Variants in MIDEAS observed in about 807,000 individuals in gnomAD.
The protein encoded by MIDEAS is mitotic deacetylase associated SANT domain protein.
In MIDEAS, 26 loss-of-function variants were observed where a neutral mutation model predicts 102.7. The ratio of observed to expected loss-of-function variants is 0.25; its 90% confidence interval spans 0.19 to 0.35. The LOEUF (loss-of-function observed/expected upper bound fraction) is 0.35, where lower values mean the gene tolerates loss of function less well. Among genes scored for constraint, MIDEAS ranks in the 10% least tolerant of loss-of-function variants. The pLI, the probability that MIDEAS is intolerant of heterozygous loss-of-function variation, is 1.00. For missense variants in MIDEAS, 1,231 were observed against 1,435.6 expected (o/e 0.86, Z 2.30); for synonymous variants, 585 against 591.0 (o/e 0.99, Z 0.15).
At chr14:73,726,545 C>T in intron 7 of MIDEAS, 59 bp downstream of exon 7, 1 of 1,525,846 alleles carries the variant, frequency 6.6e-7, no homozygotes, top group South Asian at 1.1e-5. Context: ...GAGCAGCAGA[C>T]ATGGATCCAA....
At chr14:73,763,303 A>G (rs1386999308), upstream of MIDEAS, among the ~76,000 whole-genome samples, 1 of 152,164 alleles carries the variant, frequency 6.6e-6, no homozygotes, top group Non-Finnish European at 1.5e-5. Flanking sequence ...ACGCCACTGC[A>G]CTCCATCCTG....
At position 73,715,261 on chromosome 14, in the gene MIDEAS, AAAAAT is replaced by A. The variant is rs1440075400; in HGVS notation, c.*3577_*3581del. Reference sequence around the variant, plus strand: ...ATTTTTTTCTTATAAAAAGCACACAAAAAATAAAATCTTCAGTCTCTATCACAACT... The same window carrying A: ...ATTTTTTTCTTATAAAAAGCACACAAAAAATCTTCAGTCTCTATCACAACT... On this transcript the variant is annotated 3_prime_UTR_variant, in exon 13 of 13. Transcript: ENST00000423556. The A allele has an allele frequency of 2.0e-5, 3 of 152,676 alleles. No individual in the cohort carries two copies. Among genetic ancestry groups the A allele is most frequent in the African/African-American group, 7.2e-5 (3 of 41,466 alleles). The allele number at this position is 152,676 out of a possible 1,614,324, so 9.5% of individuals were successfully genotyped here.
chr14:73,759,286 T>G lies in MIDEAS; in HGVS notation c.-248+477A>C, dbSNP rs965099084. ...CCCGCGCCAAGTTCCCTCAGCTGGC[T>G]AGCCCCTCGCCGCGCCTTCCGGGCC... On this transcript the variant is annotated intron_variant, in intron 1 of 12. Transcript: ENST00000423556. The surrounding 1 kb of genome is among the most constrained non-coding windows in gnomAD (Gnocchi z 6.7). Among the ~76,000 whole-genome samples, 1 of 152,102 alleles carries G rather than the reference T, an allele frequency of 6.6e-6. No individual in the cohort carries two copies. The highest frequency in any genetic ancestry group is 1.5e-5 in the Non-Finnish European group (1 of 67,974).
chr14:73,756,267 A>AGAGAGTGTGT (rs1555344782), intron 1 of MIDEAS, among the ~76,000 whole-genome samples: 3 of 141,038 alleles, frequency 2.1e-5, no homozygotes, highest in Non-Finnish European at 3.1e-5. Flanking sequence ...AGCCCATGTC[A>AGAGAGTGTGT]GTGTGTGTGT....
intron 12 of MIDEAS, 83 bp downstream of exon 12, chr14:73,719,222 T>TCCCCCCCCCCCCCACCCCCC: frequency 6.7e-7 from 1 of 1,497,120 alleles, no homozygotes; most frequent in African/African-American, 1.4e-5. Flanking sequence ...CTGTACCTCT[T>TCCCCCCCCCCCCCACCCCCC]CCCCCTCCCC....
At chr14:73,756,307 T>G (rs8020505) in intron 1 of MIDEAS, among the ~76,000 whole-genome samples, 1 of 104,768 alleles carries the variant, frequency 9.5e-6, no homozygotes. Context: ...CGCGCGCGCG[T>G]GCGCGCTGAG....
At chr14:73,727,113 G>T (rs1173871906) in intron 5 of MIDEAS, 141 bp from the exon 6 acceptor site, 2 of 1,095,032 alleles carry the variant, frequency 1.8e-6, no homozygotes, top group Non-Finnish European at 2.6e-6. Context: ...GCTTCTAGGG[G>T]CTTGGGAGGA....
In MIDEAS at chr14:73,721,305, T is replaced by G; in HGVS notation, c.2929A>C (p.Asn977His). The G allele has an allele frequency of 6.2e-7, 1 of 1,612,964 alleles. No individual in the cohort carries two copies. Among genetic ancestry groups the G allele is most frequent in the Non-Finnish European group, 8.5e-7 (1 of 1,180,018 alleles). The stretch of plus-strand genomic sequence containing the variant: ...ATGGTGGTCACACTCACCGACTCAT[T>G]GGCCTGTAGTGTCTGCGTGGCTTTG... ...AVKATQTLQA[N>H]ESASDILILR... The change falls in exon 11 of 13, where the codon AAT becomes CAT. Residue 977 changes from asparagine to histidine, a missense_variant. Physicochemically the swap from Asn to His is moderately conservative, Grantham distance 68. Transcript: ENST00000423556.
intron 1 of MIDEAS, among the ~76,000 whole-genome samples, chr14:73,773,314 G>T (rs1245816382): frequency 6.6e-6 from 1 of 151,852 alleles, no homozygotes; most frequent in East Asian, 1.9e-4. Flanking sequence ...ATGACTGGTG[G>T]ATGTTGGAGG....
At chr14:73,786,489 A>G (rs2053810617) in intron 1 of MIDEAS, among the ~76,000 whole-genome samples, 1 of 152,152 alleles carries the variant, frequency 6.6e-6, no homozygotes, top group African/African-American at 2.4e-5. Context: ...GATCACTGTC[A>G]GGTTTGGGAC....
At chr14:73,777,190 G>C (rs922651697) in intron 1 of MIDEAS, among the ~76,000 whole-genome samples, 4 of 151,970 alleles carry the variant, frequency 2.6e-5, no homozygotes, top group African/African-American at 9.7e-5. Flanking sequence ...ACAAAAAAGT[G>C]GGGAGAGTTC....
rs192089829 is a variant in MIDEAS, at chr14:73,725,934, G to A, written c.2485+99C>T. ...TTGGCTTATCTACCCTCCTCCTCCC[G>A]CCCCCACCCAGGGCTGTGACTCAGC... On this transcript the variant is annotated intron_variant, in intron 8 of 12. Transcript: ENST00000423556. The surrounding 1 kb of genome is among the most constrained non-coding windows in gnomAD (Gnocchi z 4.1). 781 of 1,042,844 alleles carry A rather than the reference G, an allele frequency of 7.5e-4. 4 individuals are homozygous for A. In the African/African-American group the frequency reaches 0.011, roughly 15 times the overall value. 64.6% of individuals were successfully genotyped at this position (1,042,844 alleles called of 1,614,324 possible). A position where few individuals can be genotyped will look rare whatever the true frequency, so the allele number is the denominator to read the frequency against.
At chr14:73,763,134 A>G (rs377268776), upstream of MIDEAS, among the ~76,000 whole-genome samples, 11 of 152,292 alleles carry the variant, frequency 7.2e-5, no homozygotes, top group East Asian at 1.2e-3. Flanking sequence ...GCAGGAGTTT[A>G]GAGACCAGCC....
chr14:73,719,602 C>T, intron 11 of MIDEAS, 101 bp from the exon 12 acceptor site: 1 of 1,206,484 alleles, frequency 8.3e-7, no homozygotes, highest in South Asian at 1.4e-5. Flanking sequence ...CATATATATT[C>T]CTGCCAAACA....
intron 10 of MIDEAS, 82 bp from the exon 11 acceptor site, chr14:73,721,591 T>G (rs1417444517): frequency 7.7e-7 from 1 of 1,297,468 alleles, no homozygotes; most frequent in African/African-American, 1.5e-5. Context: ...GCCGGGGGGT[T>G]CACCAGCCCC....
chr14:73,737,356 G>C, intron 2 of MIDEAS, 59 bp from the exon 3 acceptor site: 1 of 1,525,372 alleles, frequency 6.6e-7, no homozygotes, highest in Non-Finnish European at 8.9e-7. Flanking sequence ...AGGCGCAGTG[G>C]CTCACGCCTA....
intron 1 of MIDEAS, among the ~76,000 whole-genome samples, chr14:73,778,362 C>CAA (rs1389802174): frequency 7.5e-5 from 8 of 106,066 alleles, no homozygotes; most frequent in African/African-American, 1.0e-4. Context: ...GACTCTGTCT[C>CAA]AAAAAAAAAA....
intron 11 of MIDEAS, among the ~76,000 whole-genome samples, chr14:73,720,165 A>T (rs1431961422): frequency 6.6e-6 from 1 of 151,968 alleles, no homozygotes; most frequent in Non-Finnish European, 1.5e-5. Context: ...GTCGAGGCTC[A>T]GAAGTGGGCA....
At chr14:73,778,007 A>G (rs1016723160) in intron 1 of MIDEAS, among the ~76,000 whole-genome samples, 1 of 151,960 alleles carries the variant, frequency 6.6e-6, no homozygotes, top group African/African-American at 2.4e-5. Flanking sequence ...GTAAGGGCTC[A>G]ATAAATGCAT....
Sources: gnomAD v4.1 joint callset for allele counts (sites outside exome capture counted in the v4.1 genomes callset) on GRCh38, gnomAD v4.1.1 for gene constraint, Gnocchi (gnomAD v3.1) non-coding constraint, MANE v1.5 for transcripts, NCBI Gene and HGNC (gene_info 2026-07-23, HGNC 2026-07-21) for gene names.